Variants in WASHC4 observed in about 807,000 individuals in gnomAD.
The protein encoded by WASHC4 is WASH complex subunit 7.
In WASHC4, 86 loss-of-function variants were observed where a neutral mutation model predicts 166.6. The observed-to-expected ratio is 0.52, with a 90% CI of 0.43 to 0.62. WASHC4 has a LOEUF of 0.62. Ranked by LOEUF, WASHC4 falls within the 20% of genes least tolerant of loss-of-function variation. The pLI is 0.00. For missense variants in WASHC4, 1,262 were observed against 1,382.4 expected (o/e 0.91, Z 1.38); for synonymous variants, 446 against 451.6 (o/e 0.99, Z 0.16).
intron 6 of WASHC4, among the ~76,000 whole-genome samples, chr12:105,116,553 A>G (rs914888152): frequency 2.6e-5 from 4 of 152,172 alleles, no homozygotes; most frequent in Non-Finnish European, 4.4e-5. Context: ...GATGTACAAC[A>G]TGAAGATTAC....
chr12:105,114,168 A>C lies in WASHC4; in HGVS notation c.202-48A>C, dbSNP rs765796475. Reference sequence around the variant, plus strand: ...CCTCAATTTGTGTTTTTAAAATTTCAGTTATTTTTCAAATTAAAAGAAATG... The same window carrying C: ...CCTCAATTTGTGTTTTTAAAATTTCCGTTATTTTTCAAATTAAAAGAAATG... On this transcript the variant is annotated intron_variant, in intron 2 of 32. Coordinates refer to ENST00000332180, the MANE Select transcript of WASHC4 (RefSeq NM_015275.3). 2.3e-5 allele frequency: 35 copies of C among 1,544,518 alleles called. No individual in the cohort carries two copies. In the Middle Eastern group the frequency reaches 6.3e-4, roughly 28 times the overall value.
rs1880419819 is a variant in WASHC4, at chr12:105,118,655, A to G, written c.518+127A>G. On this transcript the variant is annotated intron_variant, in intron 7 of 32. Transcript: ENST00000332180. ...TTTGAACACTTATGATATTTCAAAC[A>G]CTACTTGATGTGTATCATACGTAGG... 5.6e-6 allele frequency: 4 copies of G among 714,626 alleles called. No homozygotes were observed. In the Admixed American group the frequency reaches 6.1e-5, roughly 11 times the overall value. The allele number at this position is 714,626 out of a possible 1,614,324, so 44.3% of individuals were successfully genotyped here. A position where few individuals can be genotyped will look rare whatever the true frequency, so the allele number is the denominator to read the frequency against.
chr12:105,114,386 T>C lies in WASHC4; in HGVS notation c.280T>C (p.Tyr94His). Reference sequence around the variant, plus strand: ...GGTCTTAAACAAAGTCATCACTGTTTATGCTGCACTTTGTTGTGAAATCAA... The same window carrying C: ...GGTCTTAAACAAAGTCATCACTGTTCATGCTGCACTTTGTTGTGAAATCAA... ...NKVLNKVITV[Y>H]AALCCEIKKL... is the part of the protein sequence containing the mutation. Residue 94 changes from tyrosine (Y) to histidine (H), a missense_variant, in exon 4 of 33, where the codon TAT becomes CAT. By Grantham distance (83) the Tyr-to-His change is moderately conservative. Coordinates refer to ENST00000332180, the MANE Select transcript of WASHC4 (RefSeq NM_015275.3). The C allele has an allele frequency of 6.3e-7, 1 of 1,599,206 alleles. No individual in the cohort carries two copies. Among genetic ancestry groups the C allele is most frequent in the Non-Finnish European group, 8.5e-7 (1 of 1,171,078 alleles).
intron 10 of WASHC4, among the ~76,000 whole-genome samples, chr12:105,124,484 TTTG>T: frequency 6.6e-6 from 1 of 151,566 alleles, no homozygotes; most frequent in Non-Finnish European, 1.5e-5. Flanking sequence ...TTTTTTTGGT[TTTG>T]TTTTTGTTTT....
intron 13 of WASHC4, among the ~76,000 whole-genome samples, chr12:105,130,459 ATTC>A (rs1163532826): frequency 2.0e-5 from 3 of 152,216 alleles, no homozygotes; most frequent in Admixed American, 2.0e-4. Context: ...TTGTTTCTAA[ATTC>A]TTTACTACAG....
chr12:105,144,494 T>G, intron 21 of WASHC4, 39 bp downstream of exon 21: 2 of 437,308 alleles, frequency 4.6e-6, no homozygotes, highest in South Asian at 5.9e-5. Flanking sequence ...CATATTCTCT[T>G]TTTTTTTTTT....
At position 105,120,597 on chromosome 12, in the gene WASHC4, G is replaced by A. The variant is rs765555907; in HGVS notation, c.561G>A (p.Gln187=). Residue 187 remains glutamine, a splice_region_variant and synonymous_variant, in exon 8 of 33, where the codon CAG becomes CAA. Transcript: ENST00000332180. ...TAGAGACAACTGGAGTTCATTTTCA[G>A]GTAAAAGACATTTAGCTTGACCTGT... ...KIIETTGVHF[Q]TMYEHLGELL... The A allele has an allele frequency of 3.5e-5, 56 of 1,594,160 alleles. No homozygotes were observed. The highest frequency in any genetic ancestry group is 3.9e-5 in the Non-Finnish European group (45 of 1,162,204).
chr12:105,113,906 G>C (rs545636856), intron 2 of WASHC4, among the ~76,000 whole-genome samples: 2 of 151,954 alleles, frequency 1.3e-5, no homozygotes, highest in Non-Finnish European at 2.9e-5. Context: ...TTTTCCCCAT[G>C]ATCATAACTA....
chr12:105,140,606 TTAA>T (rs563324498), intron 16 of WASHC4, among the ~76,000 whole-genome samples: 109 of 152,334 alleles, frequency 7.2e-4, no homozygotes, highest in Non-Finnish European at 1.3e-3. Flanking sequence ...ATGTAATACA[TTAA>T]TACACTTCTA....
rs960752751 is a variant in WASHC4, at chr12:105,113,140, T to C, written c.202-1076T>C. Among the ~76,000 whole-genome samples, 34 of 152,104 alleles carry C rather than the reference T, an allele frequency of 2.2e-4. 1 individual carries two copies. The highest frequency in any genetic ancestry group is 4.4e-4 in the Non-Finnish European group (30 of 67,944). On this transcript the variant is annotated intron_variant, in intron 2 of 32. Transcript: ENST00000332180. ...CATTGTATGTAAGTTATAGGAACTCTACTAGGAAACTGTCATTCTCAACCT... is the reference window on the plus strand; with the variant it reads ...CATTGTATGTAAGTTATAGGAACTCCACTAGGAAACTGTCATTCTCAACCT...
At chr12:105,165,562 T>C (rs1267409071) in intron 32 of WASHC4, among the ~76,000 whole-genome samples, 1 of 152,202 alleles carries the variant, frequency 6.6e-6, no homozygotes, top group Non-Finnish European at 1.5e-5. Flanking sequence ...GTCTTACTCG[T>C]GCTTCATGAA....
rs1290155060 is a variant in WASHC4, at chr12:105,142,651, A to T, written c.1893+93A>T. The T allele has an allele frequency of 1.7e-5, 10 of 583,052 alleles. No individual in the cohort carries two copies. The Admixed American group carries it at 2.9e-4, about 17-fold the overall frequency. 36.1% of individuals were successfully genotyped at this position (583,052 alleles called of 1,614,324 possible). On this transcript the variant is annotated intron_variant, in intron 19 of 32. Coordinates refer to ENST00000332180, the MANE Select transcript of WASHC4 (RefSeq NM_015275.3). ...TAAAATAGATCATTTGATTTAATAA[A>T]CTTTTAAAATTGACTGTTTTGTAAA... is the stretch of plus-strand genomic sequence containing the variant.
At chr12:105,131,223 A>G (rs1212977504) in intron 13 of WASHC4, among the ~76,000 whole-genome samples, 1 of 150,810 alleles carries the variant, frequency 6.6e-6, no homozygotes, top group Non-Finnish European at 1.5e-5. Context: ...AGTAGCTGGG[A>G]CTACAGGCGC....
In WASHC4 at chr12:105,141,044, T is replaced by C. The variant is rs1254272557; in HGVS notation, c.1706T>C (p.Met569Thr). 1 of 1,614,110 alleles carries C rather than the reference T, an allele frequency of 6.2e-7. No individual in the cohort carries two copies. Among genetic ancestry groups the C allele is most frequent in the South Asian group, 1.1e-5 (1 of 91,074 alleles). The change falls in exon 17 of 33, where the codon ATG becomes ACG. Residue 569 changes from methionine (M) to threonine (T), a missense_variant and splice_region_variant. By Grantham distance (81) the Met-to-Thr change is moderately conservative. Transcript: ENST00000332180. ...VSLALSVGTQ[M>T]KTFKDEELFP... ...TTGGCACTAAGTGTTGGCACACAAA[T>C]GGTAAGTGTATTGCTATTACTTATG...
intron 10 of WASHC4, among the ~76,000 whole-genome samples, chr12:105,124,300 G>T (rs190764282): frequency 7.9e-5 from 12 of 151,284 alleles, no homozygotes; most frequent in Admixed American, 6.6e-4. Flanking sequence ...TGTATTTTTA[G>T]TAGAGATGGG....
intron 15 of WASHC4, among the ~76,000 whole-genome samples, chr12:105,139,425 G>GTGTGTGTGTGTGTGTGTATATATA: frequency 8.7e-5 from 9 of 103,226 alleles, no homozygotes; most frequent in East Asian, 5.5e-4. Context: ...ATGTGTGTGT[G>GTGTGTGTGTGTGTGTGTATATATA]TATATATATA....
chr12:105,164,359 A>G, intron 31 of WASHC4, 52 bp downstream of exon 31: 3 of 1,473,454 alleles, frequency 2.0e-6, no homozygotes, highest in South Asian at 1.1e-5. Context: ...TTTGATATCC[A>G]TGACTTCTTA....
chr12:105,131,090 T>A (rs2464176), intron 13 of WASHC4, among the ~76,000 whole-genome samples: 33,890 of 147,944 alleles, frequency 0.23, 3,997 homozygotes, highest in African/African-American at 0.28. Context: ...TTATTTTTTT[T>A]TTTTTTTGAG....
At chr12:105,148,040 C>T (rs1883455446) in intron 24 of WASHC4, 1 of 985,036 alleles carries the variant, frequency 1.0e-6, no homozygotes, top group African/African-American at 1.8e-5. Context: ...GTTAATTTCT[C>T]CTTTAGGGGA....
Sources: allele counts gnomAD v4.1 joint callset (sites outside exome capture counted in the v4.1 genomes callset), GRCh38; gene constraint gnomAD v4.1.1; transcripts MANE v1.5; gene names NCBI Gene and HGNC (gene_info 2026-07-23, HGNC 2026-07-21).